Variants in TAFA1 observed in about 807,000 individuals in gnomAD.
The protein encoded by TAFA1 is chemokine-like protein TAFA-1.
In TAFA1, 4 loss-of-function variants were observed where a neutral mutation model predicts 18.5. That is an observed-to-expected ratio of 0.22 (90% CI 0.11 to 0.49). The LOEUF is 0.49. Among genes scored for constraint, TAFA1 ranks in the 20% least tolerant of loss-of-function variants. TAFA1 has a pLI of 0.98. For synonymous variants in TAFA1, 56 were observed against 55.2 expected (o/e 1.01, Z -0.06); for missense variants, 147 against 169.0 (o/e 0.87, Z 0.72).
chr3:68,449,443 A>G lies in TAFA1; in HGVS notation c.259+32023A>G, dbSNP rs892976405. Reference sequence around the variant, plus strand: ...TATTTTACAGAGGATGCGAGACCCTAATGTCTTCTAAGTAGGTGATTTACA... The same window carrying G: ...TATTTTACAGAGGATGCGAGACCCTGATGTCTTCTAAGTAGGTGATTTACA... On this transcript the variant is annotated intron_variant, in intron 3 of 4. Coordinates refer to ENST00000478136, the MANE Select transcript of TAFA1 (RefSeq NM_213609.4). Among the ~76,000 whole-genome samples the G allele has an allele frequency of 5.3e-5, 8 of 152,192 alleles. No individual in the cohort carries two copies. The East Asian group carries it at 1.5e-3, about 29-fold the overall frequency.
At chr3:68,321,836 C>G (rs75160378) in intron 2 of TAFA1, among the ~76,000 whole-genome samples, 3,290 of 152,276 alleles carry the variant, frequency 0.022, 113 homozygotes, top group African/African-American at 0.074. Flanking sequence ...TTAAAGGAAA[C>G]AGCCAACTGA....
At chr3:68,042,269 A>G (rs1381629689) in intron 2 of TAFA1, among the ~76,000 whole-genome samples, 1 of 152,248 alleles carries the variant, frequency 6.6e-6, no homozygotes, top group East Asian at 1.9e-4. Flanking sequence ...TTGAGACATA[A>G]TAATTCTTTA....
intron 2 of TAFA1, among the ~76,000 whole-genome samples, chr3:68,170,826 T>A (rs1210154671): frequency 6.6e-6 from 1 of 151,750 alleles, no homozygotes; most frequent in Non-Finnish European, 1.5e-5. Context: ...AGCAGAGACA[T>A]AGAGACTTCT....
At position 68,482,431 on chromosome 3, in the gene TAFA1, G is replaced by A. The variant is rs963552495; in HGVS notation, c.260-56325G>A. On this transcript the variant is annotated intron_variant, in intron 3 of 4. Transcript: ENST00000478136. ...AAGTTAACCAATGATTACCACATGGGGTTGGCAGTGCTGACACAGAGGAAA... is the reference window on the plus strand; with the variant it reads ...AAGTTAACCAATGATTACCACATGGAGTTGGCAGTGCTGACACAGAGGAAA... Among the ~76,000 whole-genome samples the A allele has an allele frequency of 3.3e-5, 5 of 152,266 alleles. No individual in the cohort carries two copies. The South Asian group carries it at 1.0e-3, about 32-fold the overall frequency.
chr3:68,357,033 C>T (rs1463885992), intron 2 of TAFA1, among the ~76,000 whole-genome samples: 1 of 151,922 alleles, frequency 6.6e-6, no homozygotes, highest in African/African-American at 2.4e-5. Flanking sequence ...GTTGATGTCA[C>T]TATGGCCTTT....
At chr3:68,344,090 G>A (rs1203098374) in intron 2 of TAFA1, among the ~76,000 whole-genome samples, 3 of 152,152 alleles carry the variant, frequency 2.0e-5, no homozygotes, top group Non-Finnish European at 4.4e-5. Flanking sequence ...TGATCTGCCT[G>A]CCTGGGCCTC....
intron 2 of TAFA1, among the ~76,000 whole-genome samples, chr3:68,387,694 G>A: frequency 6.7e-6 from 1 of 149,460 alleles, no homozygotes; most frequent in East Asian, 2.2e-4. Flanking sequence ...GACATAATTT[G>A]AAAGGCAATT....
intron 3 of TAFA1, among the ~76,000 whole-genome samples, chr3:68,455,646 T>A (rs1482116664): frequency 1.3e-5 from 2 of 152,078 alleles, no homozygotes; most frequent in East Asian, 3.9e-4. Flanking sequence ...CTAAAACCCT[T>A]CATCCCCCAA....
chr3:68,272,982 T>C (rs973495498), intron 2 of TAFA1, among the ~76,000 whole-genome samples: 1 of 152,112 alleles, frequency 6.6e-6, no homozygotes, highest in African/African-American at 2.4e-5. Context: ...TGTCCGTATC[T>C]CTATGCTATC....
In TAFA1 at chr3:68,376,714, A is replaced by G. The variant is rs114736218; in HGVS notation, c.119-40566A>G. Among the ~76,000 whole-genome samples, 695 of 152,206 alleles carry G rather than the reference A, an allele frequency of 4.6e-3. 5 individuals carry two copies. Among genetic ancestry groups the G allele is most frequent in the Middle Eastern group, 0.014 (4 of 294 alleles). ...TATTGGGAATAGTGCTGCAATGAAC[A>G]TATTTGTGCATGTGTCTTTGTGATA... On this transcript the variant is annotated intron_variant, in intron 2 of 4. Coordinates refer to ENST00000478136, the MANE Select transcript of TAFA1 (RefSeq NM_213609.4).
At chr3:68,484,643 T>G (rs1040599003) in intron 3 of TAFA1, among the ~76,000 whole-genome samples, 9 of 152,200 alleles carry the variant, frequency 5.9e-5, no homozygotes, top group African/African-American at 1.9e-4. Context: ...AAGTTCAAGA[T>G]GCCTATTAAG....
the TAFA1 span, among the ~76,000 whole-genome samples, chr3:67,997,841 CA>C: frequency 1.5e-5 from 1 of 65,440 alleles, no homozygotes; most frequent in Non-Finnish European, 4.5e-5. Context: ...AATTTACTAC[CA>C]CAAAAGTAAA....
intron 2 of TAFA1, among the ~76,000 whole-genome samples, chr3:68,224,759 T>C (rs919130696): frequency 2.0e-5 from 3 of 152,088 alleles, no homozygotes; most frequent in African/African-American, 4.8e-5. Flanking sequence ...AAAATACTTT[T>C]AGCTCATATA....
chr3:68,190,515 G>A (rs573875230), intron 2 of TAFA1, among the ~76,000 whole-genome samples: 1 of 151,926 alleles, frequency 6.6e-6, no homozygotes, highest in South Asian at 2.1e-4. Flanking sequence ...GTGCTTTTAA[G>A]ACCATTAACC....
chr3:68,374,957 C>G (rs1285987612), intron 2 of TAFA1, among the ~76,000 whole-genome samples: 4 of 151,758 alleles, frequency 2.6e-5, no homozygotes, highest in African/African-American at 7.3e-5. Flanking sequence ...AGCATTGTCT[C>G]CAACCACCTT....
intron 2 of TAFA1, among the ~76,000 whole-genome samples, chr3:68,164,630 CGTGT>C (rs1306831109): frequency 4.6e-4 from 67 of 146,714 alleles, no homozygotes; most frequent in African/African-American, 1.1e-3. Flanking sequence ...CCTTTTGCAA[CGTGT>C]GTGTGTGTGT....
chr3:68,470,401 G>A (rs2071975623), intron 3 of TAFA1, among the ~76,000 whole-genome samples: 1 of 152,166 alleles, frequency 6.6e-6, no homozygotes, highest in African/African-American at 2.4e-5. Flanking sequence ...TTTGGAACTG[G>A]GTAACAGGCA....
Position 68,125,474 on chromosome 3 carries a change from GT to G in TAFA1, c.118+118733del, listed in dbSNP as rs1171108250. ...TCTCACCACCAAATCTGTTTATTTG[GT>G]TTGTGGCTATGAGCTAAATGATGTT... On this transcript the variant is annotated intron_variant, in intron 2 of 4. Transcript: ENST00000478136. Among the ~76,000 whole-genome samples, 3 of 152,184 alleles carry G rather than the reference GT, an allele frequency of 2.0e-5. No individual in the cohort carries two copies. In the East Asian group the frequency reaches 5.8e-4, roughly 29 times the overall value.
chr3:68,345,293 C>T (rs1487091193), intron 2 of TAFA1, among the ~76,000 whole-genome samples: 2 of 152,146 alleles, frequency 1.3e-5, no homozygotes, highest in African/African-American at 4.8e-5. Flanking sequence ...ATCCTTACCT[C>T]GTTCAGGCAG....
Sources: allele counts gnomAD v4.1 joint callset (sites outside exome capture counted in the v4.1 genomes callset), GRCh38; gene constraint gnomAD v4.1.1; transcripts MANE v1.5; gene names NCBI Gene and HGNC (gene_info 2026-07-23, HGNC 2026-07-21).